FAM83F: variants seen among roughly 807,000 people sequenced by gnomAD.
The protein encoded by FAM83F is protein FAM83F.
A neutral mutation model predicts 42.9 loss-of-function variants in FAM83F; 45 were observed. The ratio of observed to expected loss-of-function variants is 1.05; its 90% CI spans 0.83 to 1.35. The LOEUF (loss-of-function observed/expected upper bound fraction) is 1.35. Among genes scored for constraint, FAM83F ranks in the 40% most tolerant of loss-of-function variants. FAM83F has a pLI of 0.00. For missense variants in FAM83F, 617 were observed against 695.9 expected (o/e 0.89, Z 1.28); for synonymous variants, 306 against 298.3 (o/e 1.03, Z -0.27).
intron 4 of FAM83F, among the ~76,000 whole-genome samples, chr22:40,029,078 GACGTGTGTGTGT>G (rs1180733523): frequency 3.7e-4 from 50 of 135,344 alleles, no homozygotes; most frequent in African/African-American, 1.4e-3. Context: ...CTCTTGGCTA[GACGTGTGTGTGT>G]GTGTGTGTGT....
chr22:40,023,535 C>G lies in FAM83F; in HGVS notation c.1453+1572C>G, dbSNP rs1045574602. On this transcript the variant is annotated intron_variant, in intron 4 of 4. Transcript: ENST00000333407. This position sits in a 1 kb window ranked among gnomAD's most constrained non-coding sequence, Gnocchi z 4.1. ...TGAAGTGGAGTGGAAGCTTTCTCTT[C>G]CTTCAGCCCCTCGCCCTGAGATGCA... Among the ~76,000 whole-genome samples the G allele has an allele frequency of 6.6e-6, 1 of 152,116 alleles. No homozygotes were observed. Among genetic ancestry groups the G allele is most frequent in the African/African-American group, 2.4e-5 (1 of 41,422 alleles).
intron 3 of FAM83F, among the ~76,000 whole-genome samples, chr22:40,020,986 G>A (rs2067516700): frequency 2.0e-5 from 3 of 152,238 alleles, no homozygotes; most frequent in South Asian, 4.1e-4. Context: ...CAACAACCCT[G>A]TGAACATATG....
rs559874264 is a variant in FAM83F, at chr22:40,029,833, T to A, written c.*268T>A. ...TTACATGAAGTGGAAGCTTGACCAG[T>A]GTCTGCTCGCCTTTGTGCCCCACCC... On this transcript the variant is annotated 3_prime_UTR_variant, in exon 5 of 5. Coordinates refer to ENST00000333407, the MANE Select transcript of FAM83F (RefSeq NM_138435.4). 1.6e-5 allele frequency: 7 copies of A among 445,684 alleles called. 2 individuals carry two copies. Among genetic ancestry groups the A allele is most frequent in the South Asian group, 1.3e-4 (5 of 38,140 alleles). The allele number at this position is 445,684 out of a possible 1,614,324, so 27.6% of individuals were successfully genotyped here. A position where few individuals can be genotyped will look rare whatever the true frequency, so the allele number is the denominator to read the frequency against.
intron 1 of FAM83F, among the ~76,000 whole-genome samples, chr22:40,007,843 T>G (rs1350146213): frequency 1.3e-5 from 2 of 152,194 alleles, no homozygotes; most frequent in African/African-American, 4.8e-5. Context: ...TGGGGTCTGT[T>G]GCAGTCTTGG....
chr22:40,005,521 T>TGTTC (rs1290896111), intron 1 of FAM83F, among the ~76,000 whole-genome samples: 5 of 152,276 alleles, frequency 3.3e-5, no homozygotes, highest in African/African-American at 1.2e-4. Context: ...AACACGTGGC[T>TGTTC]GTTCACAGCT....
In FAM83F at chr22:40,021,949, G is replaced by A. The variant is rs1487989159; in HGVS notation, c.1439G>A (p.Ser480Asn). The change falls in exon 4 of 5, where the codon AGT (serine) becomes AAT (asparagine). Residue 480 changes from serine (S) to asparagine (N), a missense_variant. Physicochemically the swap from Ser to Asn is conservative, Grantham distance 46. Transcript: ENST00000333407. The surrounding 1 kb of genome is among the most constrained non-coding windows in gnomAD (Gnocchi z 8.7). ...GGGAAGAGGCCCAACGAGAATTCCA[G>A]TGCTGACATCTCAGGTGAGCCCTCT... is the stretch of plus-strand genomic sequence containing the variant. ...LTGKRPNENS[S>N]ADISGKTSPS... is the part of the protein sequence containing the mutation. 1 of 1,561,964 alleles carries A rather than the reference G, an allele frequency of 6.4e-7. No individual in the cohort carries two copies. The highest frequency in any genetic ancestry group is 1.9e-5 in the Admixed American group (1 of 53,962).
At position 40,042,396 on chromosome 22, in the gene FAM83F, G is replaced by A. The variant is rs533849215; in HGVS notation, c.*12831G>A. 6.6e-6 allele frequency: 1 copy of A among 151,080 alleles called. No individual in the cohort carries two copies. Among genetic ancestry groups the A allele is most frequent in the South Asian group, 2.1e-4 (1 of 4,824 alleles). The allele number at this position is 151,080 out of a possible 1,614,324, so 9.4% of individuals were successfully genotyped here. A position where few individuals can be genotyped will look rare whatever the true frequency, so the allele number is the denominator to read the frequency against. On this transcript the variant is annotated 3_prime_UTR_variant, in exon 5 of 5. Transcript: ENST00000333407. ...TGCTCCCTGCCACCAGAGAGCAAAT[G>A]TCGTAGGTCACCACACATCACCAGT...
intron 4 of FAM83F, among the ~76,000 whole-genome samples, chr22:40,026,102 G>A (rs1270904293): frequency 1.3e-5 from 2 of 152,224 alleles, no homozygotes; most frequent in Non-Finnish European, 2.9e-5. Context: ...GTTCAGAGAG[G>A]CCAGGCCCTG....
intron 1 of FAM83F, among the ~76,000 whole-genome samples, chr22:40,006,771 G>A (rs934987847): frequency 1.6e-4 from 24 of 152,196 alleles, no homozygotes; most frequent in African/African-American, 5.8e-4. Flanking sequence ...CGGAGCCGCT[G>A]AGTGGGCAGG....
chr22:40,040,967 C>T lies in FAM83F; in HGVS notation c.*11402C>T, dbSNP rs1468053290. On this transcript the variant is annotated 3_prime_UTR_variant, in exon 5 of 5. Transcript: ENST00000333407. ...TCCAGCTTGCTATCCCCCCTTCCCCCAGCTTGTGGGTTATTGCAGAATTGT... is the reference window on the plus strand; with the variant it reads ...TCCAGCTTGCTATCCCCCCTTCCCCTAGCTTGTGGGTTATTGCAGAATTGT... 6.6e-6 allele frequency: 1 copy of T among 152,256 alleles called. No individual in the cohort carries two copies. Among genetic ancestry groups the T allele is most frequent in the Non-Finnish European group, 1.5e-5 (1 of 68,076 alleles). The allele number at this position is 152,256 out of a possible 1,614,324, so 9.4% of individuals were successfully genotyped here.
At chr22:40,005,977 C>T (rs1186398773) in intron 1 of FAM83F, among the ~76,000 whole-genome samples, 3 of 152,204 alleles carry the variant, frequency 2.0e-5, no homozygotes, top group African/African-American at 4.8e-5. Flanking sequence ...CGGTGGCTCA[C>T]GCCTGTAATG....
chr22:40,023,965 TC>T lies in FAM83F; in HGVS notation c.1453+2005del, dbSNP rs555397615. On this transcript the variant is annotated intron_variant, in intron 4 of 4. Transcript: ENST00000333407. The surrounding 1 kb of genome is among the most constrained non-coding windows in gnomAD (Gnocchi z 4.1). ...TCCTGAAATTCACGCACCTTTCCTC[TC>T]CCTCCCAAGGCCTGAGGGAGAAGCA... is the stretch of plus-strand genomic sequence containing the variant. 2.4e-3 allele frequency among the ~76,000 whole-genome samples: 359 copies of T among 152,174 alleles called. 3 individuals are homozygous for T. The highest frequency in any genetic ancestry group is 8.1e-3 in the African/African-American group (338 of 41,514).
Position 40,041,503 on chromosome 22 carries a change from T to C in FAM83F, c.*11938T>C, listed in dbSNP as rs1179246529. ...GGCTTAACATTCACACCAGGCTGAG[T>C]AAGCCCCAAAAGTCCTGCCATTGGC... is the stretch of plus-strand genomic sequence containing the variant. On this transcript the variant is annotated 3_prime_UTR_variant, in exon 5 of 5. Transcript: ENST00000333407. 6.6e-6 allele frequency: 1 copy of C among 152,152 alleles called. No individual in the cohort carries two copies. Among genetic ancestry groups the C allele is most frequent in the Admixed American group, 6.5e-5 (1 of 15,274 alleles). The allele number at this position is 152,152 out of a possible 1,614,324, so 9.4% of individuals were successfully genotyped here.
rs754625979 is a variant in FAM83F at position 40,013,082 on chromosome 22, CAAAAAAAAAA to C, written c.490-6070_490-6061del. Among the ~76,000 whole-genome samples the C allele has an allele frequency of 3.4e-4, 16 of 46,408 alleles. No individual in the cohort carries two copies. The East Asian group carries it at 4.8e-3, about 14-fold the overall frequency. The allele number at this position is 46,408 out of a possible 152,430, so 30.4% of individuals were successfully genotyped here. A position where few individuals can be genotyped will look rare whatever the true frequency, so the allele number is the denominator to read the frequency against. ...TGGGCGACAGAGCGAGACTCCGTTT[CAAAAAAAAAA>C]AAAAAAAAAAAAAAAGACTGCTCCT... On this transcript the variant is annotated intron_variant, in intron 1 of 4. Transcript: ENST00000333407.
chr22:40,024,358 T>C (rs1357363252), intron 4 of FAM83F, among the ~76,000 whole-genome samples: 1 of 152,124 alleles, frequency 6.6e-6, no homozygotes. Flanking sequence ...CATGGCCAAG[T>C]GGGGCTGCTT....
intron 1 of FAM83F, among the ~76,000 whole-genome samples, chr22:40,001,814 G>T (rs2067403164): frequency 6.6e-6 from 1 of 152,138 alleles, no homozygotes; most frequent in East Asian, 1.9e-4. Context: ...GGAGGGAAGG[G>T]TGGCCAAATT....
intron 1 of FAM83F, among the ~76,000 whole-genome samples, chr22:40,004,728 G>A (rs865849235): frequency 1.3e-5 from 2 of 152,162 alleles, no homozygotes; most frequent in African/African-American, 4.8e-5. Context: ...GTGAGCCACC[G>A]CGCCTAGCCT....
chr22:40,033,107 C>G lies in FAM83F; in HGVS notation c.*3542C>G, dbSNP rs187011364. Reference sequence around the variant, plus strand: ...TAATTGTTTTGTTTTTTTTTTGAGACAATGTCTTGCTCTGTCGATCAGGCT... The same window carrying G: ...TAATTGTTTTGTTTTTTTTTTGAGAGAATGTCTTGCTCTGTCGATCAGGCT... On this transcript the variant is annotated 3_prime_UTR_variant, in exon 5 of 5. Coordinates refer to ENST00000333407, the MANE Select transcript of FAM83F (RefSeq NM_138435.4). 397 of 151,460 alleles carry G rather than the reference C, an allele frequency of 2.6e-3. 4 individuals carry two copies. The highest frequency in any genetic ancestry group is 8.4e-3 in the African/African-American group (349 of 41,326). 9.4% of individuals were successfully genotyped at this position (151,460 alleles called of 1,614,324 possible). A position where few individuals can be genotyped will look rare whatever the true frequency, so the allele number is the denominator to read the frequency against.
Position 40,023,148 on chromosome 22 carries a change from C to T in FAM83F, c.1453+1185C>T, listed in dbSNP as rs2067531330. Among the ~76,000 whole-genome samples the T allele has an allele frequency of 6.6e-6, 1 of 152,230 alleles. No individual in the cohort carries two copies. The highest frequency in any genetic ancestry group is 1.5e-5 in the Non-Finnish European group (1 of 68,048). ...CAGGTCCTGCACAGGCACTCTCTCT[C>T]CCCTTCTGCCCCCACAACCACCCTT... On this transcript the variant is annotated intron_variant, in intron 4 of 4. Transcript: ENST00000333407. This position sits in a 1 kb window ranked among gnomAD's most constrained non-coding sequence, Gnocchi z 4.1.
Sources: allele counts gnomAD v4.1 joint callset (sites outside exome capture counted in the v4.1 genomes callset), GRCh38; gene constraint gnomAD v4.1.1; non-coding constraint Gnocchi (gnomAD v3.1); transcripts MANE v1.5; gene names NCBI Gene and HGNC (gene_info 2026-07-23, HGNC 2026-07-21).